MYO18B: variants seen among roughly 807,000 people sequenced by gnomAD.
MYO18B encodes unconventional myosin-XVIIIb.
In MYO18B, 204 loss-of-function variants were observed where a neutral mutation model predicts 273.0. That is an observed-to-expected ratio of 0.75 (90% CI 0.67 to 0.84). The LOEUF is 0.84. MYO18B is among the 40% of genes least tolerant of loss of function. The pLI is 0.00. For synonymous variants in MYO18B, 1,330 were observed against 1,305.7 expected (o/e 1.02, Z -0.40); for missense variants, 3,212 against 3,287.6 (o/e 0.98, Z 0.56).
chr22:25,935,675 C>T (rs2092568213), intron 34 of MYO18B, among the ~76,000 whole-genome samples: 1 of 152,120 alleles, frequency 6.6e-6, no homozygotes. Flanking sequence ...CCAGAGTACC[C>T]TCCTTCTGGC....
intron 21 of MYO18B, among the ~76,000 whole-genome samples, chr22:25,867,000 C>T (rs973224821): frequency 1.6e-4 from 24 of 151,992 alleles, no homozygotes; most frequent in Non-Finnish European, 1.5e-5. Context: ...TTACTAGGCA[C>T]GCAGTACTGT....
intron 12 of MYO18B, among the ~76,000 whole-genome samples, chr22:25,815,330 C>T (rs903392756): frequency 1.3e-5 from 2 of 152,200 alleles, no homozygotes; most frequent in African/African-American, 4.8e-5. Context: ...AGACTTGCAG[C>T]TGGTCCATTC....
intron 29 of MYO18B, chr22:25,900,379 C>T (rs957669144): frequency 3.3e-5 from 5 of 152,224 alleles, no homozygotes; most frequent in Non-Finnish European, 7.3e-5. Context: ...TTGCATCTCT[C>T]GATGCTTAAT....
chr22:25,811,880 A>C (rs973001122), intron 12 of MYO18B, among the ~76,000 whole-genome samples: 2 of 152,232 alleles, frequency 1.3e-5, no homozygotes, highest in African/African-American at 4.8e-5. Context: ...TGTTAGGTCA[A>C]GGGTGTGTCC....
chr22:25,850,193 G>T (rs1173136682), intron 20 of MYO18B, among the ~76,000 whole-genome samples: 3 of 152,192 alleles, frequency 2.0e-5, no homozygotes, highest in Non-Finnish European at 4.4e-5. Context: ...TTATTGTGAA[G>T]TCTCAAAAGT....
At chr22:25,902,430 G>A (rs556528585) in intron 29 of MYO18B, among the ~76,000 whole-genome samples, 183 bp from the exon 30 acceptor site, 2 of 152,206 alleles carry the variant, frequency 1.3e-5, no homozygotes, top group Admixed American at 6.5e-5. Flanking sequence ...ACAGCCTTAC[G>A]TAAAAGCATT....
chr22:25,893,280 C>T (rs182653474), intron 27 of MYO18B, among the ~76,000 whole-genome samples: 8 of 152,294 alleles, frequency 5.3e-5, no homozygotes, highest in Non-Finnish European at 4.4e-5. Flanking sequence ...ATGCACTCAG[C>T]GTGGAGCTGG....
At chr22:25,849,957 T>C (rs2090374662) in intron 20 of MYO18B, among the ~76,000 whole-genome samples, 1 of 152,158 alleles carries the variant, frequency 6.6e-6, no homozygotes, top group South Asian at 2.1e-4. Context: ...AGAAATTGAA[T>C]CTCAGAAAGG....
intron 6 of MYO18B, among the ~76,000 whole-genome samples, chr22:25,771,586 GT>G (rs574126447): frequency 4.6e-5 from 7 of 152,222 alleles, no homozygotes; most frequent in South Asian, 4.1e-4. Flanking sequence ...TATCTTAGGA[GT>G]TTTCCTCCTT....
chr22:25,867,358 T>C (rs1254604986), intron 21 of MYO18B, among the ~76,000 whole-genome samples: 1 of 152,242 alleles, frequency 6.6e-6, no homozygotes, highest in Non-Finnish European at 1.5e-5. Context: ...AGTACCTCCT[T>C]TATAAGTGAA....
intron 39 of MYO18B, among the ~76,000 whole-genome samples, chr22:25,985,947 C>T (rs1401568957): frequency 2.0e-5 from 3 of 152,152 alleles, no homozygotes; most frequent in Non-Finnish European, 4.4e-5. Context: ...GGCTTTTATT[C>T]CCCCACTTCA....
chr22:25,768,873 A>C lies in MYO18B; in HGVS notation c.957A>C (p.Gly319=), dbSNP rs776522513. Residue 319 remains glycine (G), a synonymous_variant, in exon 4 of 44, where the codon GGA becomes GGC. Transcript: ENST00000335473. Reference sequence around the variant, plus strand: ...CCCAAATCCCTGGGAGAAAGTGGGGAGGTTTCCTGGGAAGAAGGAGTAAGT... The same window carrying C: ...CCCAAATCCCTGGGAGAAAGTGGGGCGGTTTCCTGGGAAGAAGGAGTAAGT... ...VRPQIPGRKW[G]GFLGRRSKWD... The C allele has an allele frequency of 2.5e-6, 4 of 1,613,148 alleles. 1 individual carries two copies. In the South Asian group the frequency reaches 4.4e-5, roughly 18 times the overall value.
intron 39 of MYO18B, among the ~76,000 whole-genome samples, chr22:25,988,408 G>A (rs1215188919): frequency 6.6e-6 from 1 of 152,056 alleles, no homozygotes; most frequent in East Asian, 1.9e-4. Context: ...ATGGAGGATG[G>A]GATGCAGAGG....
At chr22:25,953,513 A>C (rs938029439) in intron 38 of MYO18B, 3 of 152,118 alleles carry the variant, frequency 2.0e-5, no homozygotes, top group African/African-American at 7.2e-5. Flanking sequence ...TGATCTCCCT[A>C]GGGGCATCTG....
At chr22:25,846,648 C>T (rs573677954) in intron 19 of MYO18B, among the ~76,000 whole-genome samples, 13 of 152,286 alleles carry the variant, frequency 8.5e-5, no homozygotes, top group Admixed American at 2.6e-4. Context: ...TGGGGCAAGG[C>T]GGCAGGACCC....
At chr22:25,760,448 A>G (rs987937708) in intron 1 of MYO18B, among the ~76,000 whole-genome samples, 30 of 151,214 alleles carry the variant, frequency 2.0e-4, no homozygotes, top group Non-Finnish European at 2.5e-4. Context: ...AAAAACAAAT[A>G]ATAGTGGTTT....
In MYO18B at chr22:26,003,291, G is replaced by T; in HGVS notation, c.6314G>T (p.Ser2105Ile). ...GTCCAGACGGCAGTGGATTGTGGCAGCAGCGGCCGAAAAGAGATGTAAGTT... is the reference window on the plus strand; with the variant it reads ...GTCCAGACGGCAGTGGATTGTGGCATCAGCGGCCGAAAAGAGATGTAAGTT... Reference protein sequence around the residue: ...ESVQTAVDCGSSGRKEMDNVS... With the variant: ...ESVQTAVDCGISGRKEMDNVS... Residue 2105 changes from serine (S) to isoleucine (I), a missense_variant, in exon 41 of 44, where the codon AGC (serine) becomes ATC (isoleucine). Physicochemically the swap from Ser to Ile is moderately radical, Grantham distance 142. Coordinates refer to ENST00000335473, the MANE Select transcript of MYO18B (RefSeq NM_032608.7). The T allele has an allele frequency of 1.2e-6, 2 of 1,608,566 alleles. No individual in the cohort carries two copies. The highest frequency in any genetic ancestry group is 2.7e-5 in the African/African-American group (2 of 74,964).
At position 26,026,581 on chromosome 22, in the gene MYO18B, T is replaced by C; in HGVS notation, c.6607T>C (p.Cys2203Arg). ...CCACTTTGTCCGCCGGCAAAAGTAC[T>C]GTCATTTTGGGGACGGCGAAGTGCT... ...SPHFVRRQKY[C>R]HFGDGEVLAV... The change falls in exon 43 of 44, where the codon TGT (cysteine) becomes CGT (arginine). Residue 2203 changes from cysteine to arginine, a missense_variant. Transcript: ENST00000335473. 1.2e-6 allele frequency: 2 copies of C among 1,613,898 alleles called. No individual in the cohort carries two copies. Among genetic ancestry groups the C allele is most frequent in the Non-Finnish European group, 1.7e-6 (2 of 1,179,888 alleles).
At position 25,847,613 on chromosome 22, in the gene MYO18B, G is replaced by A; in HGVS notation, c.3736G>A (p.Gly1246Arg). The change falls in exon 20 of 44, where the codon GGG becomes AGG. Residue 1246 changes from glycine (G) to arginine (R), a missense_variant. Physicochemically the swap from Gly to Arg is moderately radical, Grantham distance 125. Coordinates refer to ENST00000335473, the MANE Select transcript of MYO18B (RefSeq NM_032608.7). ...CCCAGCACTGAGGGTCCAGCTTGCT[G>A]GGTTCCACATCCTGGAGGCTCTGCG... ...DIPALRVQLA[G>R]FHILEALRLH... 6.4e-7 allele frequency: 1 copy of A among 1,563,584 alleles called. No individual in the cohort carries two copies. The highest frequency in any genetic ancestry group is 8.7e-7 in the Non-Finnish European group (1 of 1,154,164).
Sources: gnomAD v4.1 joint callset for allele counts (sites outside exome capture counted in the v4.1 genomes callset) on GRCh38, gnomAD v4.1.1 for gene constraint, MANE v1.5 for transcripts, NCBI Gene and HGNC (gene_info 2026-07-23, HGNC 2026-07-21) for gene names.